Variants in ABCG1 observed in about 807,000 individuals in gnomAD.
The protein encoded by ABCG1 is ATP binding cassette subfamily G member 1.
ABCG1 carries 29 observed loss-of-function variants against 69.2 expected under a neutral mutation model. The observed-to-expected ratio is 0.42, with a 90% CI of 0.31 to 0.57. The LOEUF (loss-of-function observed/expected upper bound fraction) is 0.57. Among genes scored for constraint, ABCG1 ranks in the 20% least tolerant of loss-of-function variants. ABCG1 has a pLI of 0.15. For synonymous variants in ABCG1, 370 were observed against 374.8 expected, an observed-to-expected ratio of 0.99 and a Z score of 0.15; for missense variants, 718 against 898.1, an observed-to-expected ratio of 0.80 and a Z score of 2.56.
At chr21:42,257,414 A>G (rs1050805192) in intron 2 of ABCG1, among the ~76,000 whole-genome samples, 3 of 152,222 alleles carry the variant, frequency 2.0e-5, no homozygotes, top group Admixed American at 1.3e-4. Context: ...TATCATACAG[A>G]TACAGGACTG....
intron 5 of ABCG1, among the ~76,000 whole-genome samples, chr21:42,277,578 A>C (rs2068733441): frequency 6.6e-6 from 1 of 152,160 alleles, no homozygotes; most frequent in South Asian, 2.1e-4. Flanking sequence ...GCCTGGACTC[A>C]CACACCCTCC....
chr21:42,252,604 C>T (rs938397725), intron 2 of ABCG1, among the ~76,000 whole-genome samples: 4 of 151,994 alleles, frequency 2.6e-5, no homozygotes, highest in African/African-American at 7.3e-5. Context: ...TTTTCTTTAG[C>T]GGGGGTGACT....
chr21:42,219,154 G>A lies in ABCG1; in HGVS notation c.-109G>A. 4.7e-6 allele frequency: 5 copies of A among 1,055,562 alleles called. No homozygotes were observed. The highest frequency in any genetic ancestry group is 5.9e-6 in the Non-Finnish European group (5 of 843,382). 65.4% of individuals were successfully genotyped at this position (1,055,562 alleles called of 1,614,324 possible). A position where few individuals can be genotyped will look rare whatever the true frequency, so the allele number is the denominator to read the frequency against. On this transcript the variant is annotated 5_prime_UTR_variant, in exon 1 of 15. Coordinates refer to ENST00000398449, the MANE Select transcript of ABCG1 (RefSeq NM_016818.3). This position sits in a 1 kb window ranked among gnomAD's most constrained non-coding sequence, Gnocchi z 5.3. Reference sequence around the variant, plus strand: ...GGATCCCAGCCGGAGCCCAAGCGCAGCCCGCACCCCGCGCAGCGGCTGAGC... The same window carrying A: ...GGATCCCAGCCGGAGCCCAAGCGCAACCCGCACCCCGCGCAGCGGCTGAGC...
intron 5 of ABCG1, among the ~76,000 whole-genome samples, chr21:42,280,631 G>A (rs2068790938): frequency 1.3e-5 from 2 of 152,220 alleles, no homozygotes; most frequent in South Asian, 2.1e-4. Flanking sequence ...GGACACTGGA[G>A]AAAGTGGGGT....
chr21:42,242,782 G>C (rs975684572), intron 2 of ABCG1, among the ~76,000 whole-genome samples: 1 of 152,128 alleles, frequency 6.6e-6, no homozygotes, highest in African/African-American at 2.4e-5. Flanking sequence ...TGTGTTTTTT[G>C]GTTTTTGTGA....
intron 2 of ABCG1, among the ~76,000 whole-genome samples, chr21:42,243,674 T>A (rs2068088148): frequency 6.6e-6 from 1 of 152,128 alleles, no homozygotes; most frequent in South Asian, 2.1e-4. Flanking sequence ...AACAGAGGAT[T>A]GGCGTGAGAG....
At chr21:42,258,503 C>T (rs1195007610) in intron 2 of ABCG1, among the ~76,000 whole-genome samples, 1 of 151,952 alleles carries the variant, frequency 6.6e-6, no homozygotes, top group Non-Finnish European at 1.5e-5. Context: ...GTTCACCACA[C>T]CCTGAGTCCC....
At chr21:42,224,291 A>G (rs1288093072) in intron 1 of ABCG1, among the ~76,000 whole-genome samples, 1 of 152,224 alleles carries the variant, frequency 6.6e-6, no homozygotes, top group Non-Finnish European at 1.5e-5. Context: ...CCCAGAGGGC[A>G]GGCTGAGGGG....
At chr21:42,259,967 C>T (rs1472282679) in intron 2 of ABCG1, 12 of 1,498,696 alleles carry the variant, frequency 8.0e-6, no homozygotes, top group Admixed American at 2.3e-5. Flanking sequence ...TTGCTCTTCC[C>T]CTTCCCTCCT....
chr21:42,252,076 G>A (rs1039335931), intron 2 of ABCG1, among the ~76,000 whole-genome samples: 22 of 152,216 alleles, frequency 1.4e-4, no homozygotes, highest in South Asian at 2.1e-4. Flanking sequence ...AGCTCTCCCC[G>A]CAATGCTTCT....
At chr21:42,213,510 G>A (rs1438428838), upstream of ABCG1, among the ~76,000 whole-genome samples, 2 of 152,236 alleles carry the variant, frequency 1.3e-5, no homozygotes, top group Non-Finnish European at 2.9e-5. Flanking sequence ...ACAATGCCCA[G>A]TGGAGGTGTG....
intron 2 of ABCG1, among the ~76,000 whole-genome samples, chr21:42,249,416 G>A (rs866034664): frequency 7.2e-5 from 11 of 152,284 alleles, no homozygotes; most frequent in Middle Eastern, 3.4e-3. Context: ...GTTTCTGGTC[G>A]GTTTCACTTC....
At chr21:42,292,051 T>C (rs548681775) in intron 13 of ABCG1, among the ~76,000 whole-genome samples, 5 of 152,240 alleles carry the variant, frequency 3.3e-5, no homozygotes, top group Admixed American at 3.3e-4. Flanking sequence ...CACCTATGCA[T>C]CACTGCCTCT....
At chr21:42,229,555 T>C (rs1020352298) in intron 2 of ABCG1, among the ~76,000 whole-genome samples, 1 of 151,760 alleles carries the variant, frequency 6.6e-6, no homozygotes, top group African/African-American at 2.4e-5. Context: ...CTGTCTCTAG[T>C]AGAAATACAA....
At chr21:42,282,966 C>T (rs1601440516) in intron 6 of ABCG1, among the ~76,000 whole-genome samples, 2 of 152,310 alleles carry the variant, frequency 1.3e-5, no homozygotes, top group Admixed American at 1.3e-4. Flanking sequence ...GGGTGATGCC[C>T]TTTATGTTTG....
rs2146337211 is a variant in ABCG1, at chr21:42,288,600, A to G, written c.1224+288A>G. On this transcript the variant is annotated intron_variant, in intron 10 of 14. Transcript: ENST00000398449. The surrounding 1 kb of genome is among the most constrained non-coding windows in gnomAD (Gnocchi z 4.8). ...TGCATGCCTGTAATCCCAGCTACTC[A>G]GGAGGCTGGGGCAGGAGAACTGCTT... is the stretch of plus-strand genomic sequence containing the variant. Among the ~76,000 whole-genome samples the G allele has an allele frequency of 6.6e-6, 1 of 152,234 alleles. No homozygotes were observed. Among genetic ancestry groups the G allele is most frequent in the East Asian group, 1.9e-4 (1 of 5,174 alleles).
At chr21:42,250,106 T>G (rs2068196105) in intron 2 of ABCG1, among the ~76,000 whole-genome samples, 1 of 144,352 alleles carries the variant, frequency 6.9e-6, no homozygotes, top group Non-Finnish European at 1.5e-5. Context: ...CATATGGGGG[T>G]GCAGGGGGAG....
Position 42,201,465 on chromosome 21 carries a change from C to G in ABCG1, c.-99-112C>G, listed in dbSNP as rs551281563. On this transcript the variant is annotated intron_variant, in intron 1 of 15. Coordinates refer to the ABCG1 transcript ENST00000398457. ...GTGTGGCCCCATTCCTAACGGGCCACGGACTGGTCTGCAGCCCAGGGGTTG... is the reference window on the plus strand; with the variant it reads ...GTGTGGCCCCATTCCTAACGGGCCAGGGACTGGTCTGCAGCCCAGGGGTTG... The G allele has an allele frequency of 6.4e-6, 4 of 625,732 alleles. No homozygotes were observed. In the East Asian group the frequency reaches 1.0e-4, roughly 16 times the overall value. The allele number at this position is 625,732 out of a possible 1,614,324, so 38.8% of individuals were successfully genotyped here. A position where few individuals can be genotyped will look rare whatever the true frequency, so the allele number is the denominator to read the frequency against.
At chr21:42,254,203 G>A (rs956670445) in intron 2 of ABCG1, among the ~76,000 whole-genome samples, 1 of 152,210 alleles carries the variant, frequency 6.6e-6, no homozygotes, top group Non-Finnish European at 1.5e-5. Context: ...ACCATGTTAA[G>A]GCCATTAAAG....
Sources: gnomAD v4.1 joint callset for allele counts (sites outside exome capture counted in the v4.1 genomes callset) on GRCh38, gnomAD v4.1.1 for gene constraint, Gnocchi (gnomAD v3.1) non-coding constraint, MANE v1.5 for transcripts, NCBI Gene and HGNC (gene_info 2026-07-23, HGNC 2026-07-21) for gene names.